ADGRV1: variants seen among roughly 807,000 people sequenced by gnomAD.
The protein encoded by ADGRV1 is G-protein coupled receptor 98.
Under a neutral mutation model 596.2 loss-of-function variants are expected in ADGRV1, and 359 were observed. That is an observed-to-expected ratio of 0.60 (90% CI 0.55 to 0.66). The LOEUF (loss-of-function observed/expected upper bound fraction) is 0.66, where lower values mean the gene tolerates loss of function less well. Among genes scored for constraint, ADGRV1 ranks in the 30% least tolerant of loss-of-function variants. The pLI, the probability that ADGRV1 is intolerant of heterozygous loss-of-function variation, is 0.00. For synonymous variants in ADGRV1, 2,681 were observed against 2,679.2 expected (o/e 1.00, Z -0.02); for missense variants, 7,274 against 7,575.6 (o/e 0.96, Z 1.48).
intron 85 of ADGRV1, among the ~76,000 whole-genome samples, chr5:90,988,290 A>G (rs751741413): frequency 1.3e-5 from 2 of 152,248 alleles, no homozygotes; most frequent in Non-Finnish European, 2.9e-5. Flanking sequence ...CAGTATTTTA[A>G]GATGGATTTT....
intron 84 of ADGRV1, among the ~76,000 whole-genome samples, chr5:90,978,295 A>AAAATAAAT (rs10529732): frequency 0.29 from 42,991 of 148,332 alleles, 7,112 homozygotes; most frequent in East Asian, 0.65. Flanking sequence ...ACTTCATCTC[A>AAAATAAAT]AAATAAATAA....
chr5:90,653,088 A>G (rs769327100), intron 19 of ADGRV1, 121 bp from the exon 20 acceptor site: 37 of 923,028 alleles, frequency 4.0e-5, no homozygotes, highest in Non-Finnish European at 5.5e-5. Flanking sequence ...ACTACTTTTC[A>G]TTGATAATGA....
intron 86 of ADGRV1, among the ~76,000 whole-genome samples, chr5:91,083,581 GGC>G (rs1220684358): frequency 6.6e-6 from 1 of 152,002 alleles, no homozygotes; most frequent in African/African-American, 2.4e-5. Context: ...AATATCACTG[GGC>G]CAGAGGCGGT....
chr5:90,983,749 C>T (rs1037448898), intron 84 of ADGRV1, among the ~76,000 whole-genome samples: 3 of 152,050 alleles, frequency 2.0e-5, no homozygotes, highest in Non-Finnish European at 4.4e-5. Context: ...TTCATAATTA[C>T]AGATATAAGC....
In ADGRV1 at chr5:91,080,588, C is replaced by CAAAAAA. The variant is rs10696264; in HGVS notation, c.18310+8002_18310+8007dup. Among the ~76,000 whole-genome samples the CAAAAAA allele has an allele frequency of 5.1e-3, 431 of 84,436 alleles. 9 individuals are homozygous for CAAAAAA. Among genetic ancestry groups the CAAAAAA allele is most frequent in the African/African-American group, 0.017 (352 of 20,362 alleles). The allele number at this position is 84,436 out of a possible 152,430, so 55.4% of individuals were successfully genotyped here. On this transcript the variant is annotated intron_variant, in intron 86 of 89. Transcript: ENST00000405460. Reference sequence around the variant, plus strand: ...TTTACACCCAGCTCCGCACACCCTGCAAAAAAAAAAAAAAAAAAAAAAACT... The same window carrying CAAAAAA: ...TTTACACCCAGCTCCGCACACCCTGCAAAAAAAAAAAAAAAAAAAAAAAAAAAAACT...
chr5:91,045,649 A>G (rs1255776663), intron 85 of ADGRV1, among the ~76,000 whole-genome samples: 1 of 152,178 alleles, frequency 6.6e-6, no homozygotes, highest in African/African-American at 2.4e-5. Context: ...CTTTTCTTCA[A>G]CTTAGTACTG....
intron 48 of ADGRV1, among the ~76,000 whole-genome samples, chr5:90,726,213 T>C (rs1241952381): frequency 6.6e-6 from 1 of 152,222 alleles, no homozygotes; most frequent in Non-Finnish European, 1.5e-5. Flanking sequence ...TTAGTCCTCA[T>C]TCCTGCTACG....
intron 83 of ADGRV1, among the ~76,000 whole-genome samples, chr5:90,891,600 T>C (rs966307840): frequency 6.6e-6 from 1 of 151,952 alleles, no homozygotes; most frequent in African/African-American, 2.4e-5. Context: ...GGTGTGATGA[T>C]AAAACAATAA....
chr5:90,797,565 C>A lies in ADGRV1; in HGVS notation c.14518-5174C>A, dbSNP rs185664934. On this transcript the variant is annotated intron_variant, in intron 70 of 89. Transcript: ENST00000405460. ...ACCCCACTGTCAATATTAGACAGAT[C>A]AATGAGACAGAAAATTAACAAGGGT... Among the ~76,000 whole-genome samples the A allele has an allele frequency of 1.9e-4, 29 of 152,222 alleles. No individual in the cohort carries two copies. In the East Asian group the frequency reaches 5.4e-3, roughly 28 times the overall value.
chr5:90,734,843 C>T (rs1261356427), intron 50 of ADGRV1, among the ~76,000 whole-genome samples: 2 of 152,190 alleles, frequency 1.3e-5, no homozygotes, highest in East Asian at 1.9e-4. Flanking sequence ...TAGGCGTGAG[C>T]CCCTGGGCCC....
At chr5:90,698,814 T>C (rs1747532507) in intron 34 of ADGRV1, among the ~76,000 whole-genome samples, 1 of 152,050 alleles carries the variant, frequency 6.6e-6, no homozygotes, top group Non-Finnish European at 1.5e-5. Context: ...AAGCCTTTGC[T>C]GGAGAGGCAG....
At chr5:90,605,454 T>C (rs1016013856) in intron 1 of ADGRV1, among the ~76,000 whole-genome samples, 4 of 151,576 alleles carry the variant, frequency 2.6e-5, no homozygotes, top group Admixed American at 1.3e-4. Context: ...AAAAACTTTG[T>C]GTATTAGATC....
intron 85 of ADGRV1, among the ~76,000 whole-genome samples, chr5:91,038,106 A>G (rs1261436202): frequency 6.6e-6 from 1 of 152,226 alleles, no homozygotes; most frequent in African/African-American, 2.4e-5. Flanking sequence ...TTGGGTCCCA[A>G]GCATTTCAGA....
chr5:91,065,575 C>A (rs1272967513), intron 85 of ADGRV1, among the ~76,000 whole-genome samples: 2 of 152,170 alleles, frequency 1.3e-5, no homozygotes, highest in African/African-American at 2.4e-5. Context: ...AAGCGGAGTT[C>A]ATGTCTCTCC....
At position 90,778,582 on chromosome 5, in the gene ADGRV1, G is replaced by A. The variant is rs1219698304; in HGVS notation, c.12822G>A (p.Glu4274=). Residue 4274 remains glutamate, a synonymous_variant, in exon 63 of 90, where the codon GAG becomes GAA. Transcript: ENST00000405460. Reference sequence around the variant, plus strand: ...ATGGCCGATTTGCCTTTTCACATGAGCAACTTCGAGTGTCAGAAGCACAGA... The same window carrying A: ...ATGGCCGATTTGCCTTTTCACATGAACAACTTCGAGTGTCAGAAGCACAGA... ...SPYGRFAFSH[E]QLRVSEAQRV... 1 of 1,602,428 alleles carries A rather than the reference G, an allele frequency of 6.2e-7. No individual in the cohort carries two copies. Among genetic ancestry groups the A allele is most frequent in the South Asian group, 1.1e-5 (1 of 89,242 alleles).
At chr5:90,592,336 T>C (rs1759619816) in intron 1 of ADGRV1, among the ~76,000 whole-genome samples, 1 of 152,198 alleles carries the variant, frequency 6.6e-6, no homozygotes, top group East Asian at 1.9e-4. Context: ...TTGGAGACCA[T>C]TATTCTAAGA....
intron 84 of ADGRV1, among the ~76,000 whole-genome samples, chr5:90,966,502 A>T (rs1474008548): frequency 7.0e-6 from 1 of 142,774 alleles, no homozygotes; most frequent in African/African-American, 2.6e-5. Flanking sequence ...ATTGCACTCC[A>T]GCCTGGGCGA....
intron 21 of ADGRV1, among the ~76,000 whole-genome samples, chr5:90,663,548 C>T (rs541648100): frequency 1.1e-3 from 173 of 151,976 alleles, no homozygotes; most frequent in African/African-American, 4.0e-3. Flanking sequence ...AAAATTGTCT[C>T]CCATTTTGTA....
intron 86 of ADGRV1, among the ~76,000 whole-genome samples, chr5:91,091,452 A>G (rs755300475): frequency 3.1e-4 from 47 of 152,248 alleles, no homozygotes; most frequent in Middle Eastern, 6.8e-3. Flanking sequence ...AGCCAGTCCC[A>G]TAGGCCTTTT....
Sources: gnomAD v4.1 joint callset for allele counts (sites outside exome capture counted in the v4.1 genomes callset) on GRCh38, gnomAD v4.1.1 for gene constraint, MANE v1.5 for transcripts, NCBI Gene and HGNC (gene_info 2026-07-23, HGNC 2026-07-21) for gene names.